DGKG: variants seen among roughly 807,000 people sequenced by gnomAD.
DGKG encodes the protein DAG kinase gamma.
DGKG carries 78 observed loss-of-function variants against 105.3 expected under a neutral mutation model. That is an observed-to-expected ratio of 0.74 (90% CI 0.62 to 0.89). DGKG has a LOEUF of 0.89. Among genes scored for constraint, DGKG ranks in the 40% least tolerant of loss-of-function variants. The probability of loss-of-function intolerance (pLI) is 0.00; values close to 1 mark genes in which losing one functional copy is unlikely to be tolerated. For missense variants in DGKG, 958 were observed against 1,020.1 expected, an observed-to-expected ratio of 0.94 and a Z score of 0.83; for synonymous variants, 346 against 367.1, an observed-to-expected ratio of 0.94 and a Z score of 0.66.
chr3:186,313,081 T>G (rs1035029751), intron 2 of DGKG, among the ~76,000 whole-genome samples: 1 of 152,190 alleles, frequency 6.6e-6, no homozygotes, highest in Non-Finnish European at 1.5e-5. Context: ...CTCAGGGGTA[T>G]GGAAAGAAAA....
rs978639908 is a variant in DGKG at position 186,362,218 on chromosome 3, C to T, written c.-521G>A. On this transcript the variant is annotated 5_prime_UTR_variant, in exon 1 of 25. Coordinates refer to ENST00000265022, the MANE Select transcript of DGKG (RefSeq NM_001346.3). ...TCCAAAGCTGTCTATCTCCGTGGCC[C>T]GCTACTACGGCACTGCGGCTCTGTG... The T allele has an allele frequency of 6.6e-6, 1 of 152,294 alleles. No individual in the cohort carries two copies. Among genetic ancestry groups the T allele is most frequent in the Non-Finnish European group, 1.5e-5 (1 of 68,096 alleles). 9.4% of individuals were successfully genotyped at this position (152,294 alleles called of 1,614,324 possible). A position where few individuals can be genotyped will look rare whatever the true frequency, so the allele number is the denominator to read the frequency against.
intron 22 of DGKG, among the ~76,000 whole-genome samples, chr3:186,165,847 A>G (rs1716518230): frequency 6.6e-6 from 1 of 152,232 alleles, no homozygotes; most frequent in Admixed American, 6.5e-5. Context: ...TTCCAGCACA[A>G]CTTTCATTTA....
intron 3 of DGKG, among the ~76,000 whole-genome samples, chr3:186,302,785 CA>C (rs1445804538): frequency 6.6e-6 from 1 of 151,858 alleles, no homozygotes; most frequent in Non-Finnish European, 1.5e-5. Flanking sequence ...GTGTGGTCAT[CA>C]GTGGCGAGTG....
chr3:186,324,830 A>T (rs1725258168), intron 1 of DGKG, among the ~76,000 whole-genome samples: 1 of 152,280 alleles, frequency 6.6e-6, no homozygotes. Context: ...CAGCAATCCC[A>T]TTACTGGGTA....
rs1367834367 is a variant in DGKG at position 186,358,504 on chromosome 3, C to T, written c.-249+3442G>A. On this transcript the variant is annotated intron_variant, in intron 1 of 24. Transcript: ENST00000265022. ...AGGGCCAGTTTGTTTTCTTCTAACC[C>T]TTTGTGTGTGTGTGTGTGTGTTTTG... Among the ~76,000 whole-genome samples, 26 of 57,746 alleles carry T rather than the reference C, an allele frequency of 4.5e-4. No homozygotes were observed. In the South Asian group the frequency reaches 0.014, roughly 31 times the overall value. 37.9% of individuals were successfully genotyped at this position (57,746 alleles called of 152,430 possible).
At chr3:186,252,342 G>A (rs1299707047) in intron 18 of DGKG, among the ~76,000 whole-genome samples, 5 of 152,260 alleles carry the variant, frequency 3.3e-5, no homozygotes, top group African/African-American at 1.2e-4. Context: ...AAGCATAGCT[G>A]ATCATTGAAC....
intron 22 of DGKG, among the ~76,000 whole-genome samples, chr3:186,177,500 C>T (rs1179994171): frequency 6.6e-6 from 1 of 152,184 alleles, no homozygotes; most frequent in Non-Finnish European, 1.5e-5. Flanking sequence ...ACCTCCTTGC[C>T]TCCCACACTC....
In DGKG at chr3:186,210,647, G is replaced by A. The variant is rs939609744; in HGVS notation, c.1917+1148C>T. On this transcript the variant is annotated intron_variant, in intron 21 of 24. Coordinates refer to ENST00000265022, the MANE Select transcript of DGKG (RefSeq NM_001346.3). This position sits in a 1 kb window ranked among gnomAD's most constrained non-coding sequence, Gnocchi z 5.2. The stretch of plus-strand genomic sequence containing the variant: ...GAGTGAGGAGCACAGGGGCCCTTCC[G>A]GCAGGGAGGGGCAGGGCTTTCCTAC... The A allele has an allele frequency of 8.4e-5, 38 of 453,682 alleles. No homozygotes were observed. Among genetic ancestry groups the A allele is most frequent in the Admixed American group, 6.6e-4 (28 of 42,490 alleles). 28.1% of individuals were successfully genotyped at this position (453,682 alleles called of 1,614,324 possible). A position where few individuals can be genotyped will look rare whatever the true frequency, so the allele number is the denominator to read the frequency against.
chr3:186,336,338 A>G (rs1344674580), intron 1 of DGKG, among the ~76,000 whole-genome samples: 1 of 152,232 alleles, frequency 6.6e-6, no homozygotes, highest in Admixed American at 6.5e-5. Context: ...TGGCAGCAAT[A>G]TGAAAATTAA....
At chr3:186,169,873 C>A (rs1716738984) in intron 22 of DGKG, among the ~76,000 whole-genome samples, 1 of 152,096 alleles carries the variant, frequency 6.6e-6, no homozygotes, top group African/African-American at 2.4e-5. Flanking sequence ...AATTACTGTG[C>A]CACAGGGTCT....
At chr3:186,310,470 G>A (rs1289879239) in intron 2 of DGKG, among the ~76,000 whole-genome samples, 1 of 152,090 alleles carries the variant, frequency 6.6e-6, no homozygotes, top group Non-Finnish European at 1.5e-5. Flanking sequence ...CTCCTTGGAT[G>A]TCCTTATATA....
intron 15 of DGKG, among the ~76,000 whole-genome samples, chr3:186,260,722 T>C (rs1045794307): frequency 6.6e-6 from 1 of 152,208 alleles, no homozygotes; most frequent in African/African-American, 2.4e-5. Flanking sequence ...GGTTCAAGGC[T>C]GAACTACCAA....
At chr3:186,220,339 TG>T (rs1373834830) in intron 20 of DGKG, among the ~76,000 whole-genome samples, 6 of 152,292 alleles carry the variant, frequency 3.9e-5, no homozygotes, top group Admixed American at 1.3e-4. Context: ...GGCTCCATGG[TG>T]GTTCTCTTCT....
intron 1 of DGKG, among the ~76,000 whole-genome samples, chr3:186,342,243 C>G (rs977109537): frequency 2.0e-5 from 3 of 152,144 alleles, no homozygotes; most frequent in Non-Finnish European, 2.9e-5. Context: ...CGGAAATTCA[C>G]GACCCTAAGG....
chr3:186,174,274 A>G (rs951213208), intron 22 of DGKG, among the ~76,000 whole-genome samples: 9 of 152,194 alleles, frequency 5.9e-5, no homozygotes, highest in African/African-American at 1.9e-4. Context: ...CCCTCAAGAA[A>G]CACTTGCTCT....
chr3:186,152,961 C>CTTT (rs10579014), intron 24 of DGKG, among the ~76,000 whole-genome samples: 6 of 124,526 alleles, frequency 4.8e-5, no homozygotes, highest in Non-Finnish European at 3.4e-5. Flanking sequence ...CGCGCCCGGC[C>CTTT]TTTTTTTTTT....
intron 20 of DGKG, among the ~76,000 whole-genome samples, chr3:186,242,166 C>A (rs1720719277): frequency 6.6e-6 from 1 of 152,190 alleles, no homozygotes; most frequent in African/African-American, 2.4e-5. Context: ...AGGCGCTGTA[C>A]TTGGAAGCAG....
intron 19 of DGKG, 96 bp downstream of exon 19, chr3:186,251,663 A>G: frequency 6.9e-7 from 1 of 1,439,102 alleles, no homozygotes; most frequent in East Asian, 2.3e-5. Flanking sequence ...CAGGTAAGAC[A>G]GGTAGACACT....
At chr3:186,355,667 C>T (rs1473567200) in intron 1 of DGKG, among the ~76,000 whole-genome samples, 4 of 151,814 alleles carry the variant, frequency 2.6e-5, no homozygotes, top group Non-Finnish European at 4.4e-5. Context: ...CATCACTGTC[C>T]TACCACTACC....
Sources: allele counts gnomAD v4.1 joint callset (sites outside exome capture counted in the v4.1 genomes callset), GRCh38; gene constraint gnomAD v4.1.1; non-coding constraint Gnocchi (gnomAD v3.1); transcripts MANE v1.5; gene names NCBI Gene and HGNC (gene_info 2026-07-23, HGNC 2026-07-21).